Variants in MCCC1 observed in about 807,000 individuals in gnomAD.
The protein encoded by MCCC1 is methylcrotonoyl-CoA carboxylase subunit alpha, mitochondrial.
In MCCC1, 64 loss-of-function variants were observed where a neutral mutation model predicts 83.8. The ratio of observed to expected loss-of-function variants is 0.76; its 90% CI spans 0.62 to 0.94. The LOEUF (loss-of-function observed/expected upper bound fraction) is 0.94, where lower values mean the gene tolerates loss of function less well. Ranked by LOEUF, MCCC1 falls within the 40% of genes least tolerant of loss-of-function variation. The probability of loss-of-function intolerance (pLI) is 0.00; values close to 1 mark genes in which losing one functional copy is unlikely to be tolerated. For missense variants in MCCC1, 807 were observed against 904.7 expected, an observed-to-expected ratio of 0.89 and a Z score of 1.39; for synonymous variants, 322 against 315.4, an observed-to-expected ratio of 1.02 and a Z score of -0.22.
chr3:183,102,625 GA>G (rs555145793), upstream of MCCC1, among the ~76,000 whole-genome samples: 1 of 151,118 alleles, frequency 6.6e-6, no homozygotes, highest in Non-Finnish European at 1.5e-5. Context: ...TAGCCCTCTG[GA>G]AAAAAAAGCT....
chr3:183,036,537 CTTTTTTTT>C (rs11411314), intron 13 of MCCC1, among the ~76,000 whole-genome samples: 43 of 117,682 alleles, frequency 3.7e-4, no homozygotes, highest in Non-Finnish European at 5.6e-4. Context: ...GATCCATTTC[CTTTTTTTT>C]TTTTTTTTTT....
Position 183,022,538 on chromosome 3 carries a change from A to G in MCCC1, c.1748T>C (p.Phe583Ser), listed in dbSNP as rs749309371. ...GCTGTAAAGATTACCAAGGACTTGG[A>G]AAGTTTTATCTTCAATCTGAAAAAA... ...SYSMQIEDKTFQVLGNLYSEG... is the reference protein window; with the variant it reads ...SYSMQIEDKTSQVLGNLYSEG... The change falls in exon 16 of 19, where the codon TTC (phenylalanine) becomes TCC (serine). Residue 583 changes from phenylalanine (F) to serine (S), a missense_variant. Coordinates refer to ENST00000265594, the MANE Select transcript of MCCC1 (RefSeq NM_020166.5). 1 of 1,613,362 alleles carries G rather than the reference A, an allele frequency of 6.2e-7. No homozygotes were observed. The highest frequency in any genetic ancestry group is 8.5e-7 in the Non-Finnish European group (1 of 1,179,410).
chr3:183,104,690 AAAGT>A (rs1323316049), intron 1 of MCCC1, among the ~76,000 whole-genome samples: 5 of 152,246 alleles, frequency 3.3e-5, no homozygotes, highest in Non-Finnish European at 7.3e-5. Context: ...CAGAATAGAA[AAAGT>A]AAGCAAATAT....
chr3:183,076,309 C>T (rs1577336319), intron 4 of MCCC1, among the ~76,000 whole-genome samples: 1 of 152,156 alleles, frequency 6.6e-6, no homozygotes. Flanking sequence ...TGTCTGGCTT[C>T]TTTAACTTCA....
At chr3:183,105,465 A>C (rs533614669) in intron 1 of MCCC1, among the ~76,000 whole-genome samples, 2 of 152,330 alleles carry the variant, frequency 1.3e-5, no homozygotes, top group Non-Finnish European at 2.9e-5. Flanking sequence ...AAAATAAAAA[A>C]CCATGATTAT....
intron 1 of MCCC1, among the ~76,000 whole-genome samples, chr3:183,095,154 G>A (rs1235121244): frequency 6.6e-6 from 1 of 151,962 alleles, no homozygotes; most frequent in African/African-American, 2.4e-5. Context: ...GTCATGGCGG[G>A]CACCTGTAGT....
At chr3:183,032,353 A>T (rs563393268) in intron 14 of MCCC1, among the ~76,000 whole-genome samples, 1 of 152,246 alleles carries the variant, frequency 6.6e-6, no homozygotes, top group Non-Finnish European at 1.5e-5. Flanking sequence ...TTCAGCATAT[A>T]GGAGTCTAGA....
intron 18 of MCCC1, among the ~76,000 whole-genome samples, chr3:183,016,693 C>T (rs9879377): frequency 6.6e-6 from 1 of 152,190 alleles, no homozygotes; most frequent in African/African-American, 2.4e-5. Flanking sequence ...GCATATTCAA[C>T]GTGTATGGTT....
chr3:183,033,444 G>A (rs746668519), intron 14 of MCCC1, among the ~76,000 whole-genome samples: 8 of 152,098 alleles, frequency 5.3e-5, no homozygotes, highest in Admixed American at 6.6e-5. Flanking sequence ...GTATAACAGC[G>A]ACTCCCCCTC....
chr3:183,033,875 C>T, intron 14 of MCCC1, 116 bp downstream of exon 14: 2 of 752,700 alleles, frequency 2.7e-6, no homozygotes, highest in Non-Finnish European at 2.3e-6. Context: ...CAATGTTTAG[C>T]CTAGGCATTT....
At chr3:183,052,116 A>G in intron 9 of MCCC1, 43 bp downstream of exon 9, 1 of 1,571,904 alleles carries the variant, frequency 6.4e-7, no homozygotes, top group Admixed American at 1.7e-5. Context: ...ACATAAATTA[A>G]ACACTGTTAC....
chr3:183,112,217 G>A (rs748329793), intron 1 of MCCC1, among the ~76,000 whole-genome samples: 28 of 152,134 alleles, frequency 1.8e-4, no homozygotes, highest in Non-Finnish European at 3.1e-4. Context: ...GTTGTTCCCC[G>A]TGTCAATTAA....
intron 3 of MCCC1, among the ~76,000 whole-genome samples, chr3:183,088,412 G>A (rs910583655): frequency 6.6e-6 from 1 of 151,980 alleles, no homozygotes; most frequent in South Asian, 2.1e-4. Flanking sequence ...TCACCATGTT[G>A]GCCAGGCTAA....
At chr3:183,046,858 G>A (rs1004315431) in intron 9 of MCCC1, among the ~76,000 whole-genome samples, 6 of 152,334 alleles carry the variant, frequency 3.9e-5, no homozygotes, top group African/African-American at 1.4e-4. Context: ...CTCAGAACCA[G>A]AGAGACAGAC....
intron 13 of MCCC1, among the ~76,000 whole-genome samples, chr3:183,035,899 C>T (rs991128690): frequency 6.6e-6 from 1 of 151,552 alleles, no homozygotes; most frequent in African/African-American, 2.4e-5. Context: ...CATATGTATA[C>T]ATGTGTCATG....
intron 15 of MCCC1, 91 bp downstream of exon 15, chr3:183,025,664 C>T (rs914642757): frequency 8.4e-7 from 1 of 1,184,924 alleles, no homozygotes; most frequent in African/African-American, 1.5e-5. Context: ...TAGTCAAAGG[C>T]TTAAGGGAAA....
At chr3:183,072,879 A>G (rs1716803359) in intron 4 of MCCC1, among the ~76,000 whole-genome samples, 1 of 152,166 alleles carries the variant, frequency 6.6e-6, no homozygotes, top group Non-Finnish European at 1.5e-5. Context: ...AGTAACCAGG[A>G]TTTTACTTTC....
At chr3:183,073,496 C>T (rs1027615243) in intron 4 of MCCC1, among the ~76,000 whole-genome samples, 12 of 152,208 alleles carry the variant, frequency 7.9e-5, no homozygotes, top group Non-Finnish European at 1.5e-4. Flanking sequence ...TCCCCTTATC[C>T]AAGATCCCTA....
chr3:183,110,619 C>T (rs1310557311), intron 1 of MCCC1, among the ~76,000 whole-genome samples: 1 of 152,116 alleles, frequency 6.6e-6, no homozygotes, highest in East Asian at 1.9e-4. Context: ...TGGTCTCGAT[C>T]TCCTGACCCC....
Sources: gnomAD v4.1 joint callset for allele counts (sites outside exome capture counted in the v4.1 genomes callset) on GRCh38, gnomAD v4.1.1 for gene constraint, MANE v1.5 for transcripts, NCBI Gene and HGNC (gene_info 2026-07-23, HGNC 2026-07-21) for gene names.